The following MARK1 variants were observed in gnomAD, a reference collection of about 807,000 sequenced individuals.
The protein encoded by MARK1 is serine/threonine-protein kinase MARK1.
Under a neutral mutation model 96.3 loss-of-function variants are expected in MARK1, and 40 were observed. The ratio of observed to expected loss-of-function variants is 0.42; its 90% CI spans 0.32 to 0.54. MARK1 has a LOEUF of 0.54. MARK1 is among the 20% of genes least tolerant of loss of function. The pLI is 0.16. For synonymous variants in MARK1, 317 were observed against 341.2 expected (o/e 0.93, Z 0.78); for missense variants, 719 against 984.6 (o/e 0.73, Z 3.61).
intron 6 of MARK1, among the ~76,000 whole-genome samples, chr1:220,612,887 A>G (rs1666529881): frequency 6.6e-6 from 1 of 152,194 alleles, no homozygotes; most frequent in African/African-American, 2.4e-5. Flanking sequence ...TTGCCCATAC[A>G]ATGCTTTTAC....
chr1:220,612,921 GA>G (rs370664236), intron 6 of MARK1, among the ~76,000 whole-genome samples: 119 of 147,058 alleles, frequency 8.1e-4, no homozygotes, highest in African/African-American at 2.9e-3. Flanking sequence ...TGAGCCTACA[GA>G]AAAAAAAAAG....
intron 3 of MARK1, among the ~76,000 whole-genome samples, chr1:220,593,651 C>G (rs1038294332): frequency 6.6e-6 from 1 of 152,112 alleles, no homozygotes; most frequent in Non-Finnish European, 1.5e-5. Flanking sequence ...GATGAGGTGC[C>G]CCCTTGTTTC....
chr1:220,539,986 G>A (rs1572044837), intron 1 of MARK1, among the ~76,000 whole-genome samples: 1 of 152,084 alleles, frequency 6.6e-6, no homozygotes, highest in African/African-American at 2.4e-5. Context: ...TAATTCACTA[G>A]TGAAGCCATC....
intron 3 of MARK1, among the ~76,000 whole-genome samples, chr1:220,585,158 G>T (rs1280423286): frequency 6.6e-6 from 1 of 152,200 alleles, no homozygotes; most frequent in Non-Finnish European, 1.5e-5. Flanking sequence ...ATTCTGCCAT[G>T]TGAATAAATA....
At chr1:220,615,276 G>A (rs546078990) in intron 6 of MARK1, among the ~76,000 whole-genome samples, 1 of 152,058 alleles carries the variant, frequency 6.6e-6, no homozygotes, top group South Asian at 2.1e-4. Flanking sequence ...AAAAATTATG[G>A]CTGCATACAA....
chr1:220,627,729 C>A (rs1236696909), intron 9 of MARK1: 1 of 157,740 alleles, frequency 6.3e-6, no homozygotes, highest in Non-Finnish European at 1.4e-5. Flanking sequence ...TTTCATGCAA[C>A]CATAAGACAA....
intron 1 of MARK1, among the ~76,000 whole-genome samples, chr1:220,569,587 G>C (rs1663298618): frequency 6.6e-6 from 1 of 151,966 alleles, no homozygotes; most frequent in Non-Finnish European, 1.5e-5. Context: ...GGAGTAAAGA[G>C]TGATACCTCA....
chr1:220,600,529 A>G (rs533125636), intron 5 of MARK1, among the ~76,000 whole-genome samples: 43 of 152,306 alleles, frequency 2.8e-4, no homozygotes, highest in African/African-American at 9.9e-4. Flanking sequence ...CTTAAACGAG[A>G]AATGTGTCAG....
intron 3 of MARK1, among the ~76,000 whole-genome samples, chr1:220,594,595 A>G (rs947490123): frequency 2.6e-5 from 4 of 152,224 alleles, no homozygotes; most frequent in Admixed American, 2.6e-4. Flanking sequence ...AGCTTTAGTC[A>G]TAATGGTCAT....
At chr1:220,631,511 G>A (rs1667678187) in intron 10 of MARK1, among the ~76,000 whole-genome samples, 1 of 152,110 alleles carries the variant, frequency 6.6e-6, no homozygotes, top group African/African-American at 2.4e-5. Context: ...ATTAAGAGTT[G>A]AACACTTTGG....
At position 220,587,303 on chromosome 1, in the gene MARK1, C is replaced by CCCTT. The variant is rs1175811920; in HGVS notation, c.309+6188_309+6189insTCCT. Among the ~76,000 whole-genome samples, 14 of 131,164 alleles carry CCCTT rather than the reference C, an allele frequency of 1.1e-4. No homozygotes were observed. The Middle Eastern group carries it at 0.011, about 100-fold the overall frequency. 86.0% of individuals were successfully genotyped at this position (131,164 alleles called of 152,430 possible). The stretch of plus-strand genomic sequence containing the variant: ...TTCCTTCCTTCCTTCCTTCCTTCCT[C>CCCTT]CCTCCCTCCCTCTCTCTCTCTTTCT... On this transcript the variant is annotated intron_variant, in intron 3 of 17. Coordinates refer to ENST00000366917, the MANE Select transcript of MARK1 (RefSeq NM_018650.5).
In MARK1 at chr1:220,650,716, A is replaced by G. The variant is rs772075947; in HGVS notation, c.1567A>G (p.Ser523Gly). Reference protein sequence around the residue: ...RYVALQNGKDSSLTEMSVSSI... With the variant: ...RYVALQNGKDGSLTEMSVSSI... ...CGTAGCATTGCAGAATGGAAAAGACAGCAGGTAAATGCCACAGTGCCAAGT... is the reference window on the plus strand; with the variant it reads ...CGTAGCATTGCAGAATGGAAAAGACGGCAGGTAAATGCCACAGTGCCAAGT... The change falls in exon 14 of 18, where the codon AGC (serine) becomes GGC (glycine). Residue 523 changes from serine to glycine, a missense_variant. Physicochemically the swap from Ser to Gly is moderately conservative, Grantham distance 56 (BLOSUM62 0). Around this residue, in one of 4 missense-constraint regions of MARK1, gnomAD observed 501 missense variants for 588.3 expected, o/e 0.85. Coordinates refer to ENST00000366917, the MANE Select transcript of MARK1 (RefSeq NM_018650.5). 6.8e-6 allele frequency: 11 copies of G among 1,611,478 alleles called. No individual in the cohort carries two copies. The East Asian group carries it at 2.5e-4, about 36-fold the overall frequency.
At chr1:220,626,746 C>T (rs1178806532) in intron 9 of MARK1, 2 of 335,438 alleles carry the variant, frequency 6.0e-6, no homozygotes, top group East Asian at 7.0e-5. Context: ...CGCTTGCACC[C>T]TAGAGGCGGA....
At chr1:220,575,761 T>C (rs1933004) in intron 1 of MARK1, among the ~76,000 whole-genome samples, 2 of 151,686 alleles carry the variant, frequency 1.3e-5, no homozygotes, top group African/African-American at 4.8e-5. Flanking sequence ...GAGATCTTTT[T>C]AAAAAATCAT....
chr1:220,554,599 T>G (rs541680446), intron 1 of MARK1, among the ~76,000 whole-genome samples: 8 of 152,170 alleles, frequency 5.3e-5, no homozygotes, highest in Non-Finnish European at 1.0e-4. Flanking sequence ...GGATAGTAAA[T>G]GAAGCAGCAA....
At chr1:220,600,834 T>C (rs1665686227) in intron 5 of MARK1, among the ~76,000 whole-genome samples, 1 of 152,262 alleles carries the variant, frequency 6.6e-6, no homozygotes, top group East Asian at 1.9e-4. Flanking sequence ...TAAAAAGGAT[T>C]TATCTAGTCT....
At chr1:220,616,753 C>T (rs1666774511) in intron 7 of MARK1, among the ~76,000 whole-genome samples, 1 of 152,018 alleles carries the variant, frequency 6.6e-6, no homozygotes, top group South Asian at 2.1e-4. Context: ...TCTGTTGCTC[C>T]AAATTTTTCT....
rs1474143112 is a variant in MARK1, at chr1:220,651,990, A to G, written c.1576A>G (p.Thr526Ala). 3 of 1,593,390 alleles carry G rather than the reference A, an allele frequency of 1.9e-6. No homozygotes were observed. In the African/African-American group the frequency reaches 4.0e-5, roughly 21 times the overall value. The change falls in exon 15 of 18, where the codon ACG becomes GCG. Residue 526 changes from threonine to alanine, a missense_variant. Thr to Ala is a moderately conservative substitution (Grantham distance 58). Around this residue, in one of 4 missense-constraint regions of MARK1, gnomAD observed 501 missense variants for 588.3 expected, o/e 0.85. Transcript: ENST00000366917. ...TCAACTGCTTTATGGTGAAAGCCTT[A>G]CGGAGATGTCTGTGAGTAGCATATC... Reference protein sequence around the residue: ...ALQNGKDSSLTEMSVSSISSA... With the variant: ...ALQNGKDSSLAEMSVSSISSA...
chr1:220,562,137 A>G (rs765199312), intron 1 of MARK1, among the ~76,000 whole-genome samples: 3 of 152,192 alleles, frequency 2.0e-5, no homozygotes, highest in East Asian at 1.9e-4. Flanking sequence ...GAATCTTGGT[A>G]TAGCCAGTTG....
Sources: gnomAD v4.1 joint callset for allele counts (sites outside exome capture counted in the v4.1 genomes callset) on GRCh38, gnomAD v4.1.1 for gene constraint, gnomAD v4.1.1 regional missense constraint, MANE v1.5 for transcripts, NCBI Gene and HGNC (gene_info 2026-07-23, HGNC 2026-07-21) for gene names.